Variants in PRKCH observed in about 807,000 individuals in gnomAD.
PRKCH encodes the protein protein kinase C eta type.
Under a neutral mutation model 82.5 loss-of-function variants are expected in PRKCH, and 28 were observed. The observed-to-expected ratio is 0.34, with a 90% CI of 0.25 to 0.47. The LOEUF is 0.47. Ranked by LOEUF, PRKCH falls within the 20% of genes least tolerant of loss-of-function variation. The probability of loss-of-function intolerance (pLI) is 1.00; values close to 1 mark genes in which losing one functional copy is unlikely to be tolerated. For missense variants in PRKCH, 705 were observed against 881.8 expected, an observed-to-expected ratio of 0.80 and a Z score of 2.54; for synonymous variants, 322 against 327.4, an observed-to-expected ratio of 0.98 and a Z score of 0.18.
chr14:61,481,634 C>T (rs1225822431), intron 9 of PRKCH, among the ~76,000 whole-genome samples: 3 of 152,214 alleles, frequency 2.0e-5, no homozygotes, highest in Admixed American at 2.0e-4. Context: ...GTAATACACA[C>T]TCATCATAGA....
chr14:61,250,789 G>A (rs546672644), intron 1 of PRKCH, among the ~76,000 whole-genome samples: 25 of 152,196 alleles, frequency 1.6e-4, no homozygotes, highest in Non-Finnish European at 3.2e-4. Flanking sequence ...GTACCACTTT[G>A]GTGGGTTGTT....
At chr14:61,388,386 G>A (rs1176206070) in intron 1 of PRKCH, among the ~76,000 whole-genome samples, 2 of 152,154 alleles carry the variant, frequency 1.3e-5, no homozygotes, top group Non-Finnish European at 2.9e-5. Context: ...ACTTGTGAGA[G>A]CTCCTGCTTC....
In PRKCH at chr14:61,409,809, A is replaced by G. The variant is rs564994177; in HGVS notation, c.427+18521A>G. 4.6e-5 allele frequency among the ~76,000 whole-genome samples: 7 copies of G among 152,144 alleles called. No homozygotes were observed. In the South Asian group the frequency reaches 1.5e-3, roughly 32 times the overall value. On this transcript the variant is annotated intron_variant, in intron 2 of 13. Transcript: ENST00000332981. ...TAGATTGTATATGCTACTTGTTATTAATTTCTTATCTCTAGAGATTGAATG... is the reference window on the plus strand; with the variant it reads ...TAGATTGTATATGCTACTTGTTATTGATTTCTTATCTCTAGAGATTGAATG...
chr14:61,285,459 T>G (rs1248219477), intron 1 of PRKCH, among the ~76,000 whole-genome samples: 1 of 152,256 alleles, frequency 6.6e-6, no homozygotes, highest in Non-Finnish European at 1.5e-5. Context: ...TTCTCTGTTC[T>G]CATGATTGCT....
chr14:61,271,183 G>C (rs908878271), intron 1 of PRKCH, among the ~76,000 whole-genome samples: 6 of 152,134 alleles, frequency 3.9e-5, no homozygotes, highest in African/African-American at 1.4e-4. Flanking sequence ...TTGATACACT[G>C]TTTGCCCTCC....
In PRKCH at chr14:61,267,374, ACT is replaced by A. The variant is rs139939719; in HGVS notation, c.-19+79709_-19+79710del. ...AAGGAGACCTCAGGGACTGAGAAAG[ACT>A]CTTTAATATTCTCACTCTTCTGACA... is the stretch of plus-strand genomic sequence containing the variant. On this transcript the variant is annotated intron_variant, in intron 1 of 3. Transcript: ENST00000555185. Among the ~76,000 whole-genome samples the A allele has an allele frequency of 6.9e-3, 1,056 of 152,012 alleles. 39 individuals are homozygous for A. In the East Asian group the frequency reaches 0.095, roughly 14 times the overall value.
At chr14:61,370,883 T>G (rs550011457) in intron 1 of PRKCH, among the ~76,000 whole-genome samples, 6 of 152,154 alleles carry the variant, frequency 3.9e-5, no homozygotes, top group African/African-American at 1.4e-4. Context: ...CACTGCAGTA[T>G]GGAAACTAGC....
intron 1 of PRKCH, among the ~76,000 whole-genome samples, chr14:61,191,437 C>CT (rs2044406162): frequency 6.6e-6 from 1 of 152,176 alleles, no homozygotes; most frequent in Admixed American, 6.5e-5. Flanking sequence ...TTTTAGGAGG[C>CT]TGAGGTGGGC....
At chr14:61,352,689 G>GGAAAAAGAAAGAAAGAAA (rs1555378084) in intron 1 of PRKCH, among the ~76,000 whole-genome samples, 2 of 126,456 alleles carry the variant, frequency 1.6e-5, no homozygotes, top group African/African-American at 6.2e-5. Context: ...AGAAAGGAAA[G>GGAAAAAGAAAGAAAGAAA]GAAAGAAAGA....
rs536845753 is a variant in PRKCH at position 61,477,988 on chromosome 14, G to A, written c.1279-7514G>A. On this transcript the variant is annotated intron_variant, in intron 9 of 13. Transcript: ENST00000332981. Reference sequence around the variant, plus strand: ...TGTGAAGGAGGCCTCGAGACCCAGTGCATGCAGCTCACTGCCACGTGTGCC... The same window carrying A: ...TGTGAAGGAGGCCTCGAGACCCAGTACATGCAGCTCACTGCCACGTGTGCC... Among the ~76,000 whole-genome samples, 5 of 152,330 alleles carry A rather than the reference G, an allele frequency of 3.3e-5. No homozygotes were observed. In the East Asian group the frequency reaches 9.6e-4, roughly 29 times the overall value.
intron 2 of PRKCH, among the ~76,000 whole-genome samples, chr14:61,391,919 C>G (rs540450439): frequency 9.9e-5 from 15 of 152,262 alleles, no homozygotes; most frequent in African/African-American, 3.6e-4. Flanking sequence ...CTTTTTCAAT[C>G]CCCTGCTCCC....
Position 61,443,162 on chromosome 14 carries a change from G to C in PRKCH, c.479G>C (p.Arg160Thr). 1 of 1,614,044 alleles carries C rather than the reference G, an allele frequency of 6.2e-7. No individual in the cohort carries two copies. Among genetic ancestry groups the C allele is most frequent in the Non-Finnish European group, 8.5e-7 (1 of 1,179,964 alleles). ...AAACATTTTACCAGGAAGCGCCAAA[G>C]GGCTATGCGAAGGCGAGTCCACCAG... is the stretch of plus-strand genomic sequence containing the variant. ...IFKHFTRKRQ[R>T]AMRRRVHQIN... The change falls in exon 3 of 14, where the codon AGG (arginine) becomes ACG (threonine). Residue 160 changes from arginine (R) to threonine (T), a missense_variant. Transcript: ENST00000332981.
chr14:61,496,841 T>A (rs1389925709), intron 10 of PRKCH, among the ~76,000 whole-genome samples: 3 of 152,202 alleles, frequency 2.0e-5, no homozygotes, highest in Non-Finnish European at 4.4e-5. Context: ...GAGCATCTAC[T>A]ACGAGCCAGG....
rs79832873 is a variant in PRKCH at position 61,244,883 on chromosome 14, T to A, written c.-19+57215T>A. On this transcript the variant is annotated intron_variant, in intron 1 of 3. Transcript: ENST00000555185. ...TGCTACTGACATCAGGGTGGGTCTT[T>A]GAGGCTTATGGTTATCCTAATAAAA... Among the ~76,000 whole-genome samples, 1,054 of 152,326 alleles carry A rather than the reference T, an allele frequency of 6.9e-3. 13 individuals are homozygous for A. The highest frequency in any genetic ancestry group is 0.024 in the African/African-American group (1,002 of 41,578).
intron 9 of PRKCH, among the ~76,000 whole-genome samples, chr14:61,470,123 A>C (rs1337698894): frequency 2.0e-5 from 3 of 151,188 alleles, no homozygotes; most frequent in African/African-American, 7.3e-5. Flanking sequence ...CTGAAGCTGC[A>C]TTTGCATATC....
chr14:61,192,223 C>G (rs1427698337), intron 1 of PRKCH, among the ~76,000 whole-genome samples: 5 of 151,990 alleles, frequency 3.3e-5, no homozygotes, highest in Non-Finnish European at 7.4e-5. Context: ...TGGATTTTCC[C>G]TCTCTATTCA....
intron 1 of PRKCH, among the ~76,000 whole-genome samples, chr14:61,336,125 A>G (rs1338462771): frequency 1.3e-5 from 2 of 152,190 alleles, no homozygotes; most frequent in Non-Finnish European, 2.9e-5. Flanking sequence ...TGTCACTTTC[A>G]TTACCACCAC....
rs111226096 is a variant in PRKCH at position 61,195,596 on chromosome 14, C to T, written c.-19+7928C>T. Among the ~76,000 whole-genome samples the T allele has an allele frequency of 3.9e-3, 589 of 152,278 alleles. 4 individuals are homozygous for T. The highest frequency in any genetic ancestry group is 0.013 in the African/African-American group (556 of 41,538). ...AATTATGCATAGGATATTTTAGGAA[C>T]CAAAGGAAGAACATCCAAATTAGAA... On this transcript the variant is annotated intron_variant, in intron 1 of 3. Coordinates refer to the PRKCH transcript ENST00000555185.
rs377250538 is a variant in PRKCH, at chr14:61,428,076, T to TAGATAG, written c.428-15034_428-15033insGATAGA. On this transcript the variant is annotated intron_variant, in intron 2 of 13. Coordinates refer to ENST00000332981, the MANE Select transcript of PRKCH (RefSeq NM_006255.5). ...ATAGATAGATAGATAGATAGATAGA[T>TAGATAG]ACACACACACACACACACACATATA... 4.0e-3 allele frequency among the ~76,000 whole-genome samples: 510 copies of TAGATAG among 126,228 alleles called. 5 individuals carry two copies. The highest frequency in any genetic ancestry group is 0.014 in the African/African-American group (449 of 32,734). The allele number at this position is 126,228 out of a possible 152,430, so 82.8% of individuals were successfully genotyped here.
Sources: gnomAD v4.1 joint callset for allele counts (sites outside exome capture counted in the v4.1 genomes callset) on GRCh38, gnomAD v4.1.1 for gene constraint, MANE v1.5 for transcripts, NCBI Gene and HGNC (gene_info 2026-07-23, HGNC 2026-07-21) for gene names.